Variants in SLIT3 observed in about 807,000 individuals in gnomAD.
SLIT3 encodes the protein slit guidance ligand 3, also known as slit homolog 3 protein.
A neutral mutation model predicts 184.0 loss-of-function variants in SLIT3; 68 were observed. That is an observed-to-expected ratio of 0.37 (90% CI 0.30 to 0.45). The LOEUF is 0.45. SLIT3 is among the 20% of genes least tolerant of loss of function. The pLI, the probability that SLIT3 is intolerant of heterozygous loss-of-function variation, is 1.00. For missense variants in SLIT3, 1,707 were observed against 2,026.0 expected, an observed-to-expected ratio of 0.84 and a Z score of 3.02; for synonymous variants, 831 against 828.6, an observed-to-expected ratio of 1.00 and a Z score of -0.05.
At chr5:169,045,608 T>C (rs1452356969) in intron 4 of SLIT3, among the ~76,000 whole-genome samples, 1 of 152,180 alleles carries the variant, frequency 6.6e-6, no homozygotes, top group Non-Finnish European at 1.5e-5. Context: ...GTATTTACTA[T>C]GTGATAGGTG....
intron 4 of SLIT3, among the ~76,000 whole-genome samples, chr5:168,999,422 A>C (rs975292353): frequency 2.1e-5 from 3 of 141,854 alleles, no homozygotes; most frequent in Non-Finnish European, 3.3e-5. Context: ...TTGTTGGATC[A>C]AATAAAACAG....
chr5:168,918,233 A>G (rs1324285121), intron 4 of SLIT3, among the ~76,000 whole-genome samples: 2 of 152,192 alleles, frequency 1.3e-5, no homozygotes, highest in African/African-American at 4.8e-5. Flanking sequence ...AGGTAATGAC[A>G]GGGAAGAAAA....
At chr5:169,040,418 C>A (rs1219080109) in intron 4 of SLIT3, among the ~76,000 whole-genome samples, 1 of 152,182 alleles carries the variant, frequency 6.6e-6, no homozygotes, top group East Asian at 1.9e-4. Flanking sequence ...GGAAATAAAA[C>A]TGGAAAGAAG....
chr5:169,299,790 G>A (rs960775086), intron 1 of SLIT3, among the ~76,000 whole-genome samples: 3 of 152,220 alleles, frequency 2.0e-5, no homozygotes, highest in Non-Finnish European at 2.9e-5. Context: ...ATCTGAGGCT[G>A]AGTGCGGTTT....
intron 4 of SLIT3, among the ~76,000 whole-genome samples, chr5:169,115,965 C>T (rs1581425259): frequency 6.6e-6 from 1 of 152,096 alleles, no homozygotes; most frequent in African/African-American, 2.4e-5. Flanking sequence ...AGGGTAGATA[C>T]TCTATAAAGC....
chr5:168,704,026 T>C (rs1202586950), intron 26 of SLIT3, among the ~76,000 whole-genome samples: 2 of 148,990 alleles, frequency 1.3e-5, no homozygotes, highest in East Asian at 4.0e-4. Context: ...GCACGAGGAA[T>C]GCTGCTAAGT....
At chr5:168,975,624 G>T (rs1581261077) in intron 4 of SLIT3, among the ~76,000 whole-genome samples, 1 of 152,132 alleles carries the variant, frequency 6.6e-6, no homozygotes, top group South Asian at 2.1e-4. Flanking sequence ...GAAGGAAGGA[G>T]ATTTAAAAAT....
At chr5:168,920,501 G>A in intron 4 of SLIT3, among the ~76,000 whole-genome samples, 1 of 152,176 alleles carries the variant, frequency 6.6e-6, no homozygotes, top group South Asian at 2.1e-4. Flanking sequence ...TTATTCACCA[G>A]CGAGACCATC....
intron 4 of SLIT3, among the ~76,000 whole-genome samples, chr5:169,127,725 G>T (rs766484582): frequency 6.6e-6 from 1 of 152,152 alleles, no homozygotes; most frequent in Non-Finnish European, 1.5e-5. Context: ...GTGAATGAAT[G>T]AATTAAATCA....
intron 4 of SLIT3, among the ~76,000 whole-genome samples, chr5:168,892,526 G>A (rs11745496): frequency 0.36 from 54,449 of 152,144 alleles, 11,058 homozygotes; most frequent in East Asian, 0.6. Flanking sequence ...GATAGGAAAT[G>A]TGGAGGAAAA....
intron 4 of SLIT3, among the ~76,000 whole-genome samples, chr5:169,138,254 C>T (rs1290687547): frequency 6.6e-6 from 1 of 152,150 alleles, no homozygotes; most frequent in African/African-American, 2.4e-5. Context: ...GGACTTATAC[C>T]CCACCCTGTC....
chr5:169,251,499 T>TTGTCTAATTAAATAG (rs746085944), intron 1 of SLIT3, 40 bp from the exon 2 acceptor site: 14 of 1,368,212 alleles, frequency 1.0e-5, no homozygotes, highest in Middle Eastern at 1.8e-4. Flanking sequence ...TTTTGTGGGT[T>TTGTCTAATTAAATAG]ACAATTACGG....
chr5:168,784,980 T>C (rs180729812), intron 12 of SLIT3, among the ~76,000 whole-genome samples: 2 of 152,052 alleles, frequency 1.3e-5, no homozygotes, highest in Admixed American at 1.3e-4. Context: ...GCCATGTAGA[T>C]TCTTTTCCAG....
intron 23 of SLIT3, among the ~76,000 whole-genome samples, chr5:168,714,999 G>C (rs1016299681): frequency 2.0e-5 from 3 of 152,280 alleles, no homozygotes; most frequent in South Asian, 2.1e-4. Context: ...GAACCCCTAG[G>C]TCCTACGGTT....
At chr5:169,178,832 G>A (rs1319549885) in intron 4 of SLIT3, among the ~76,000 whole-genome samples, 1 of 152,148 alleles carries the variant, frequency 6.6e-6, no homozygotes, top group African/African-American at 2.4e-5. Flanking sequence ...TAAAGATAGT[G>A]ATGAAGTCAG....
intron 4 of SLIT3, among the ~76,000 whole-genome samples, chr5:168,987,374 T>C (rs1362358312): frequency 6.6e-6 from 1 of 152,174 alleles, no homozygotes; most frequent in African/African-American, 2.4e-5. Context: ...TTCACGCTAA[T>C]CTCTCTAGCA....
intron 5 of SLIT3, among the ~76,000 whole-genome samples, chr5:168,873,889 A>G (rs1271322415): frequency 6.6e-6 from 1 of 152,134 alleles, no homozygotes; most frequent in Non-Finnish European, 1.5e-5. Flanking sequence ...GAATCAGAAC[A>G]TCAACGAATA....
intron 2 of SLIT3, among the ~76,000 whole-genome samples, chr5:169,248,395 A>G (rs182068187): frequency 2.0e-5 from 3 of 152,174 alleles, no homozygotes; most frequent in African/African-American, 7.2e-5. Flanking sequence ...TCAACAAATC[A>G]TCGATATTTG....
At chr5:168,754,094 G>C (rs1032775632) in intron 16 of SLIT3, 87 bp from the exon 17 acceptor site, 28 of 1,411,880 alleles carry the variant, frequency 2.0e-5, no homozygotes, top group Non-Finnish European at 2.9e-6. Flanking sequence ...GCAGCTGCTG[G>C]GGACTCTCTG....
Sources: allele counts gnomAD v4.1 joint callset (sites outside exome capture counted in the v4.1 genomes callset), GRCh38; gene constraint gnomAD v4.1.1; transcripts MANE v1.5; gene names NCBI Gene and HGNC (gene_info 2026-07-23, HGNC 2026-07-21).